The following RSPH1 variants were observed in gnomAD, a reference collection of about 807,000 sequenced individuals.
RSPH1 encodes radial spoke head component 1.
RSPH1 carries 32 observed loss-of-function variants against 44.2 expected under a neutral mutation model. That is an observed-to-expected ratio of 0.72 (90% CI 0.55 to 0.97). The LOEUF is 0.97. Ranked by LOEUF, RSPH1 falls within the 50% of genes least tolerant of loss-of-function variation. RSPH1 has a pLI of 0.00. For synonymous variants in RSPH1, 134 were observed against 147.3 expected (o/e 0.91, Z 0.65); for missense variants, 391 against 398.7 (o/e 0.98, Z 0.16).
At chr21:42,488,468 G>C (rs1159680936) in intron 3 of RSPH1, among the ~76,000 whole-genome samples, 1 of 152,126 alleles carries the variant, frequency 6.6e-6, no homozygotes, top group Non-Finnish European at 1.5e-5. Context: ...AGCTGAAACA[G>C]GTACATCATT....
intron 6 of RSPH1, among the ~76,000 whole-genome samples, chr21:42,479,710 T>C (rs1051233773): frequency 2.0e-5 from 3 of 147,516 alleles, no homozygotes; most frequent in Non-Finnish European, 1.5e-5. Context: ...GGCTTCTGAC[T>C]ATGTGTGTAG....
At chr21:42,481,072 G>A (rs762986575) in intron 6 of RSPH1, among the ~76,000 whole-genome samples, 15 of 152,142 alleles carry the variant, frequency 9.9e-5, no homozygotes, top group African/African-American at 1.9e-4. Flanking sequence ...TGTGACCCCC[G>A]GGGTTGGAGG....
At chr21:42,476,948 C>T (rs978805135) in intron 7 of RSPH1, among the ~76,000 whole-genome samples, 8 of 152,006 alleles carry the variant, frequency 5.3e-5, no homozygotes, top group African/African-American at 9.7e-5. Context: ...AGCCCAAAGG[C>T]GCCCACACCC....
chr21:42,473,768 T>C (rs2054016816), intron 8 of RSPH1, among the ~76,000 whole-genome samples: 1 of 152,198 alleles, frequency 6.6e-6, no homozygotes, highest in Non-Finnish European at 1.5e-5. Flanking sequence ...CACTGTGGCC[T>C]GGGTGACCCT....
intron 3 of RSPH1, among the ~76,000 whole-genome samples, chr21:42,491,441 T>C (rs146842118): frequency 5.3e-5 from 8 of 152,306 alleles, no homozygotes; most frequent in Middle Eastern, 3.4e-3. Context: ...AAATCCCTTA[T>C]CCTAAATATC....
At chr21:42,491,745 G>A (rs1401235611) in intron 3 of RSPH1, among the ~76,000 whole-genome samples, 1 of 152,106 alleles carries the variant, frequency 6.6e-6, no homozygotes, top group African/African-American at 2.4e-5. Flanking sequence ...ACCACCTACT[G>A]GTTCTTATTT....
chr21:42,494,511 C>A (rs2054267501), intron 1 of RSPH1, among the ~76,000 whole-genome samples: 1 of 152,156 alleles, frequency 6.6e-6, no homozygotes, highest in Admixed American at 6.5e-5. Flanking sequence ...TCCCAATACA[C>A]CCAACACTGA....
At position 42,492,757 on chromosome 21, in the gene RSPH1, CCTTCATATCT is replaced by C. The variant is rs1182240910; in HGVS notation, c.265_274del (p.Arg89GlufsTer51). The C allele has an allele frequency of 2.6e-6, 4 of 1,563,894 alleles. No homozygotes were observed. The highest frequency in any genetic ancestry group is 2.6e-6 in the Non-Finnish European group (3 of 1,137,348). On this transcript the variant is annotated frameshift_variant and splice_region_variant, in exon 3 of 9. Transcript: ENST00000291536. LOFTEE classifies it high-confidence loss of function. ...AAATCTGCTTAGTGATAACATTTTA[CCTTCATATCT>C]GGATCCATCTGGATATATAAAAGTG... is the stretch of plus-strand genomic sequence containing the variant.
chr21:42,493,191 G>A (rs919941056), intron 1 of RSPH1, 112 bp from the exon 2 acceptor site: 46 of 864,280 alleles, frequency 5.3e-5, no homozygotes, highest in Non-Finnish European at 6.4e-5. Flanking sequence ...CTAAACCCCC[G>A]GCACTATACT....
Position 42,478,282 on chromosome 21 carries a change from C to T in RSPH1, c.574-838G>A, listed in dbSNP as rs1246606351. On this transcript the variant is annotated intron_variant, in intron 6 of 8. Coordinates refer to ENST00000291536, the MANE Select transcript of RSPH1 (RefSeq NM_080860.4). Reference sequence around the variant, plus strand: ...ATGACAGAGAGGGGCAGACACCTGCCTCTTCCACTGAGTCACTGGGAAATC... The same window carrying T: ...ATGACAGAGAGGGGCAGACACCTGCTTCTTCCACTGAGTCACTGGGAAATC... Among the ~76,000 whole-genome samples the T allele has an allele frequency of 2.0e-5, 3 of 152,384 alleles. No individual in the cohort carries two copies. In the East Asian group the frequency reaches 5.8e-4, roughly 29 times the overall value.
intron 5 of RSPH1, 51 bp downstream of exon 5, chr21:42,485,618 G>T: frequency 6.2e-7 from 1 of 1,609,054 alleles, no homozygotes. Context: ...CAGGCTGCCA[G>T]AGGGGGTTAT....
chr21:42,491,846 A>ACAGT (rs1436161358), intron 3 of RSPH1, among the ~76,000 whole-genome samples: 1 of 152,190 alleles, frequency 6.6e-6, no homozygotes, highest in African/African-American at 2.4e-5. Context: ...GTGGTACATC[A>ACAGT]CAGTCCTAGC....
At chr21:42,483,973 C>T (rs1451588764) in intron 5 of RSPH1, among the ~76,000 whole-genome samples, 1 of 150,048 alleles carries the variant, frequency 6.7e-6, no homozygotes, top group Non-Finnish European at 1.5e-5. Context: ...CTCTGGACTT[C>T]CTAATTTGCT....
chr21:42,494,053 G>T (rs1053325059), intron 1 of RSPH1, among the ~76,000 whole-genome samples: 12 of 152,104 alleles, frequency 7.9e-5, no homozygotes, highest in Non-Finnish European at 1.6e-4. Flanking sequence ...TCAATTATGT[G>T]TCTATCTTAA....
In RSPH1 at chr21:42,492,367, C is replaced by T. The variant is rs1264021943; in HGVS notation, c.274+391G>A. Among the ~76,000 whole-genome samples the T allele has an allele frequency of 2.6e-5, 4 of 152,256 alleles. No individual in the cohort carries two copies. The East Asian group carries it at 5.8e-4, about 22-fold the overall frequency. ...GGAAACACTCGATCTGAAGAAATAA[C>T]ACATCCGTCAGATGGCGGGGTTGGT... On this transcript the variant is annotated intron_variant, in intron 3 of 8. Transcript: ENST00000291536.
rs1601632190 is a variant in RSPH1 at position 42,485,766 on chromosome 21, C to T, written c.404G>A (p.Ser135Asn). 2 of 1,614,228 alleles carry T rather than the reference C, an allele frequency of 1.2e-6. No individual in the cohort carries two copies. Among genetic ancestry groups the T allele is most frequent in the Non-Finnish European group, 1.7e-6 (2 of 1,180,042 alleles). ...QGTYLYAETG[S>N]KYVGTWVNGQ... ...GTTCACCCAGGTGCCAACATACTTA[C>T]TGCCCGTCTCCGCGTATAAATAGGT... The change falls in exon 5 of 9, where the codon AGT becomes AAT. Residue 135 changes from serine (S) to asparagine (N), a missense_variant. By Grantham distance (46) the Ser-to-Asn change is conservative. Transcript: ENST00000291536.
At position 42,475,917 on chromosome 21, in the gene RSPH1, G is replaced by T; in HGVS notation, c.858C>A (p.Phe286Leu). ...EESREYDQEE[F>L]RYDMDEGNIN... is the part of the protein sequence containing the mutation. Reference sequence around the variant, plus strand: ...CCTCACCCTCATCCATGTCATAGCGGAACTCCTCCTGGTCATACTCCCGGC... The same window carrying T: ...CCTCACCCTCATCCATGTCATAGCGTAACTCCTCCTGGTCATACTCCCGGC... The change falls in exon 8 of 9, where the codon TTC (phenylalanine) becomes TTA (leucine). Residue 286 changes from phenylalanine to leucine, a missense_variant. Transcript: ENST00000291536. 6.2e-7 allele frequency: 1 copy of T among 1,611,088 alleles called. No homozygotes were observed. Among genetic ancestry groups the T allele is most frequent in the Non-Finnish European group, 8.5e-7 (1 of 1,179,476 alleles).
intron 7 of RSPH1, 127 bp from the exon 8 acceptor site, chr21:42,476,174 T>C (rs1200164268): frequency 1.5e-5 from 13 of 880,130 alleles, no homozygotes; most frequent in South Asian, 1.0e-4. Context: ...GCACCTCATG[T>C]TCCCCATCTC....
intron 3 of RSPH1, among the ~76,000 whole-genome samples, chr21:42,492,504 C>G (rs2054246060): frequency 6.6e-6 from 1 of 152,262 alleles, no homozygotes; most frequent in South Asian, 2.1e-4. Flanking sequence ...TCCCTTTTGT[C>G]TGCTCCCAGG....
Sources: gnomAD v4.1 joint callset for allele counts (sites outside exome capture counted in the v4.1 genomes callset) on GRCh38, gnomAD v4.1.1 for gene constraint, MANE v1.5 for transcripts, NCBI Gene and HGNC (gene_info 2026-07-23, HGNC 2026-07-21) for gene names.